The following ASCC3 variants were observed in gnomAD, a reference collection of about 807,000 sequenced individuals.
The protein encoded by ASCC3 is activating signal cointegrator 1 complex subunit 3, also known as ASC-1 complex subunit P200.
ASCC3 carries 158 observed loss-of-function variants against 256.3 expected under a neutral mutation model. That is an observed-to-expected ratio of 0.62 (90% CI 0.54 to 0.70). ASCC3 has a LOEUF of 0.70. Ranked by LOEUF, ASCC3 falls within the 30% of genes least tolerant of loss-of-function variation. ASCC3 has a pLI of 0.00. For synonymous variants in ASCC3, 948 were observed against 883.4 expected, an observed-to-expected ratio of 1.07 and a Z score of -1.30; for missense variants, 2,259 against 2,626.0, an observed-to-expected ratio of 0.86 and a Z score of 3.05.
chr6:100,658,258 G>C (rs1216665174), intron 16 of ASCC3, among the ~76,000 whole-genome samples: 1 of 151,360 alleles, frequency 6.6e-6, no homozygotes, highest in African/African-American at 2.4e-5. Context: ...TTTATGCTCT[G>C]TTAAATAAAA....
At chr6:100,745,506 A>G (rs77271857) in intron 10 of ASCC3, among the ~76,000 whole-genome samples, 2 of 432 alleles carry the variant, frequency 4.6e-3, no homozygotes, top group Non-Finnish European at 0.12. Context: ...AACCTAACCA[A>G]AAAAAAAAAA....
At chr6:100,558,182 G>T (rs1769719497) in intron 36 of ASCC3, among the ~76,000 whole-genome samples, 1 of 151,696 alleles carries the variant, frequency 6.6e-6, no homozygotes, top group African/African-American at 2.4e-5. Flanking sequence ...AAAAGCAAAA[G>T]ACTTGAATAT....
At chr6:100,723,115 G>A (rs2115034084) in intron 11 of ASCC3, among the ~76,000 whole-genome samples, 1 of 151,746 alleles carries the variant, frequency 6.6e-6, no homozygotes, top group Non-Finnish European at 1.5e-5. Flanking sequence ...TGATAGAACA[G>A]AAATGTCTCA....
intron 36 of ASCC3, among the ~76,000 whole-genome samples, chr6:100,557,294 C>T (rs1200968293): frequency 6.6e-6 from 1 of 152,016 alleles, no homozygotes. Context: ...TACGAATTTC[C>T]CTTTAAGTAT....
chr6:100,671,434 T>C (rs1030779145), intron 14 of ASCC3, among the ~76,000 whole-genome samples: 1 of 152,086 alleles, frequency 6.6e-6, no homozygotes. Context: ...CAGAAGCCAT[T>C]TGAGATCCAA....
chr6:100,657,344 G>A (rs1775965373), intron 16 of ASCC3, among the ~76,000 whole-genome samples: 1 of 151,406 alleles, frequency 6.6e-6, no homozygotes, highest in Non-Finnish European at 1.5e-5. Context: ...AATTGAGCCA[G>A]TGTGGGAGCT....
chr6:100,530,867 T>C, intron 37 of ASCC3: 1 of 1,283,826 alleles, frequency 7.8e-7, no homozygotes, highest in East Asian at 2.3e-5. Flanking sequence ...ACTTATGGAA[T>C]AAATTTTTGT....
chr6:100,878,418 T>C (rs1769095670), intron 1 of ASCC3, among the ~76,000 whole-genome samples: 1 of 152,190 alleles, frequency 6.6e-6, no homozygotes, highest in African/African-American at 2.4e-5. Context: ...TGTGTTAATT[T>C]TACTTTTAGC....
chr6:100,586,081 G>T (rs1488429114), intron 36 of ASCC3, among the ~76,000 whole-genome samples: 2 of 152,162 alleles, frequency 1.3e-5, no homozygotes, highest in Admixed American at 6.5e-5. Flanking sequence ...ATCTCCAGCT[G>T]CGTGCTGGGA....
chr6:100,804,633 A>G (rs1161997175), intron 5 of ASCC3, among the ~76,000 whole-genome samples: 1 of 152,166 alleles, frequency 6.6e-6, no homozygotes, highest in Admixed American at 6.6e-5. Context: ...AATAAAAGAC[A>G]TACAAGCAGC....
chr6:100,764,837 G>A (rs1472049836), intron 10 of ASCC3, among the ~76,000 whole-genome samples: 2 of 152,014 alleles, frequency 1.3e-5, no homozygotes, highest in Non-Finnish European at 2.9e-5. Context: ...TTGGGGGGTC[G>A]GGGAGATGAT....
intron 40 of ASCC3, 26 bp downstream of exon 40, chr6:100,512,683 T>C (rs1773826891): frequency 6.2e-7 from 1 of 1,608,590 alleles, no homozygotes; most frequent in African/African-American, 1.3e-5. Flanking sequence ...TGTGAAATAT[T>C]TGAGAATGGA....
At chr6:100,584,217 A>G (rs945765838) in intron 36 of ASCC3, among the ~76,000 whole-genome samples, 4 of 150,892 alleles carry the variant, frequency 2.7e-5, no homozygotes, top group African/African-American at 9.7e-5. Context: ...AATGTGTGGG[A>G]GTCTAAGTCT....
chr6:100,848,072 C>T (rs996504018), intron 4 of ASCC3, 76 bp downstream of exon 4: 1 of 1,386,548 alleles, frequency 7.2e-7, no homozygotes, highest in Non-Finnish European at 9.7e-7. Flanking sequence ...TCTTTGCTAA[C>T]CACCCATGTT....
At chr6:100,760,325 A>ACTGATCC (rs1228406861) in intron 10 of ASCC3, among the ~76,000 whole-genome samples, 10 of 152,126 alleles carry the variant, frequency 6.6e-5, no homozygotes, top group African/African-American at 2.2e-4. Flanking sequence ...GATATGTTCC[A>ACTGATCC]CTGATCCCTA....
At chr6:100,680,945 G>A (rs1777271638) in intron 13 of ASCC3, among the ~76,000 whole-genome samples, 1 of 152,174 alleles carries the variant, frequency 6.6e-6, no homozygotes, top group South Asian at 2.1e-4. Context: ...AAGTAAAAGA[G>A]AGGATCATTT....
chr6:100,595,474 G>A (rs1035507991), intron 34 of ASCC3, among the ~76,000 whole-genome samples: 1 of 152,042 alleles, frequency 6.6e-6, no homozygotes, highest in Non-Finnish European at 1.5e-5. Context: ...ATTTACTTAG[G>A]CACATTTTTC....
chr6:100,605,479 T>C lies in ASCC3; in HGVS notation c.5177+89A>G, dbSNP rs1772835795. ...ATTAAATTCTTCTAAGCTACCTGTT[T>C]TACTGATTTTTATATAATAAAATAT... is the stretch of plus-strand genomic sequence containing the variant. On this transcript the variant is annotated intron_variant, in intron 33 of 41. Coordinates refer to ENST00000369162, the MANE Select transcript of ASCC3 (RefSeq NM_006828.4). 3.1e-6 allele frequency: 3 copies of C among 976,920 alleles called. No homozygotes were observed. The East Asian group carries it at 7.9e-5, about 26-fold the overall frequency. 60.5% of individuals were successfully genotyped at this position (976,920 alleles called of 1,614,324 possible).
intron 13 of ASCC3, among the ~76,000 whole-genome samples, chr6:100,686,232 C>T (rs239199): frequency 0.5 from 76,320 of 151,970 alleles, 19,471 homozygotes; most frequent in East Asian, 0.73. Context: ...AAGTGATCAA[C>T]AAATGTTAGC....
Sources: gnomAD v4.1 joint callset for allele counts (sites outside exome capture counted in the v4.1 genomes callset) on GRCh38, gnomAD v4.1.1 for gene constraint, MANE v1.5 for transcripts, NCBI Gene and HGNC (gene_info 2026-07-23, HGNC 2026-07-21) for gene names.